Variants in FBXL17 observed in about 807,000 individuals in gnomAD.
FBXL17 encodes F-box and leucine rich repeat protein 17.
A neutral mutation model predicts 66.2 loss-of-function variants in FBXL17; 22 were observed. The ratio of observed to expected loss-of-function variants is 0.33; its 90% confidence interval spans 0.24 to 0.47. FBXL17 has a LOEUF of 0.47. Ranked by LOEUF, FBXL17 falls within the 20% of genes least tolerant of loss-of-function variation. The pLI is 1.00. For synonymous variants in FBXL17, 474 were observed against 400.5 expected (o/e 1.18, Z -2.19); for missense variants, 878 against 948.2 (o/e 0.93, Z 0.97).
chr5:108,355,352 G>C (rs1747914297), intron 3 of FBXL17, among the ~76,000 whole-genome samples: 1 of 151,728 alleles, frequency 6.6e-6, no homozygotes, highest in Non-Finnish European at 1.5e-5. Flanking sequence ...GCAGTGGCAT[G>C]ATCTTGGCTC....
At position 107,936,128 on chromosome 5, in the gene FBXL17, G is replaced by C. The variant is rs533229675; in HGVS notation, c.1823-54949C>G. 2.0e-4 allele frequency among the ~76,000 whole-genome samples: 30 copies of C among 147,300 alleles called. No individual in the cohort carries two copies. In the South Asian group the frequency reaches 3.1e-3, roughly 15 times the overall value. On this transcript the variant is annotated intron_variant, in intron 7 of 8. Transcript: ENST00000542267. ...TCCTTGTGTTATTACTAGGAGTATG[G>C]TATCCATTTTTCTAAAGTTGTATTG... is the stretch of plus-strand genomic sequence containing the variant.
chr5:108,156,469 G>A (rs1023869655), intron 6 of FBXL17, among the ~76,000 whole-genome samples: 1 of 151,780 alleles, frequency 6.6e-6, no homozygotes, highest in African/African-American at 2.4e-5. Context: ...ATATATCTTA[G>A]ACATATTAAA....
chr5:108,351,003 G>C (rs1176966946), intron 3 of FBXL17, among the ~76,000 whole-genome samples: 1 of 152,170 alleles, frequency 6.6e-6, no homozygotes, highest in Non-Finnish European at 1.5e-5. Flanking sequence ...GTCCAGACTA[G>C]ACTATCCCAG....
At chr5:107,954,183 A>G (rs1436546988) in intron 7 of FBXL17, among the ~76,000 whole-genome samples, 1 of 152,256 alleles carries the variant, frequency 6.6e-6, no homozygotes, top group African/African-American at 2.4e-5. Context: ...TTAAAAGAAC[A>G]TTTTATTTAA....
Position 108,366,116 on chromosome 5 carries a change from G to A in FBXL17, c.1117-1121C>T, listed in dbSNP as rs144178717. On this transcript the variant is annotated intron_variant, in intron 2 of 8. Coordinates refer to ENST00000542267, the MANE Select transcript of FBXL17 (RefSeq NM_001163315.3). ...CTGTTTCTATGAGAAACAATACCTCGCATATAATTCATAGGTTGGAAAATA... is the reference window on the plus strand; with the variant it reads ...CTGTTTCTATGAGAAACAATACCTCACATATAATTCATAGGTTGGAAAATA... Among the ~76,000 whole-genome samples, 6 of 152,016 alleles carry A rather than the reference G, an allele frequency of 3.9e-5. No individual in the cohort carries two copies. In the East Asian group the frequency reaches 7.7e-4, roughly 20 times the overall value.
intron 7 of FBXL17, among the ~76,000 whole-genome samples, chr5:107,961,071 G>A (rs562355740): frequency 6.6e-6 from 1 of 152,140 alleles, no homozygotes; most frequent in Non-Finnish European, 1.5e-5. Context: ...CAGGCTGGCT[G>A]GAAAGAAGTG....
intron 6 of FBXL17, among the ~76,000 whole-genome samples, chr5:108,176,718 T>C (rs1752806737): frequency 6.6e-6 from 1 of 152,132 alleles, no homozygotes; most frequent in African/African-American, 2.4e-5. Flanking sequence ...ACATAGTAAG[T>C]AGTATTTCCT....
intron 7 of FBXL17, among the ~76,000 whole-genome samples, chr5:107,983,232 A>G (rs1052315689): frequency 2.6e-5 from 4 of 152,092 alleles, no homozygotes; most frequent in African/African-American, 9.7e-5. Context: ...TTTGTTTGAG[A>G]TAAGAGTCTC....
chr5:108,185,179 T>TA (rs1753177640), intron 6 of FBXL17, among the ~76,000 whole-genome samples: 3 of 152,238 alleles, frequency 2.0e-5, no homozygotes, highest in African/African-American at 7.2e-5. Context: ...ACAAATTACA[T>TA]ATATATATAC....
At chr5:108,235,772 A>G (rs1261002590) in intron 4 of FBXL17, among the ~76,000 whole-genome samples, 1 of 152,180 alleles carries the variant, frequency 6.6e-6, no homozygotes, top group Non-Finnish European at 1.5e-5. Context: ...TCACTACTCT[A>G]GCCCTAGAGT....
intron 4 of FBXL17, among the ~76,000 whole-genome samples, chr5:108,241,359 A>C (rs546962278): frequency 2.6e-5 from 4 of 152,216 alleles, no homozygotes; most frequent in Non-Finnish European, 1.5e-5. Flanking sequence ...TGCAATTGGC[A>C]TACTGAAGAA....
chr5:108,147,840 G>C (rs1751618184), intron 6 of FBXL17, among the ~76,000 whole-genome samples: 1 of 151,622 alleles, frequency 6.6e-6, no homozygotes, highest in Admixed American at 6.6e-5. Flanking sequence ...ATGTTAATTA[G>C]ATTTATAACA....
intron 7 of FBXL17, among the ~76,000 whole-genome samples, chr5:108,012,656 C>T (rs146866327): frequency 1.3e-5 from 2 of 152,234 alleles, no homozygotes; most frequent in African/African-American, 4.8e-5. Flanking sequence ...TATAGTGTTA[C>T]GCACAAATTA....
rs528505425 is a variant in FBXL17, at chr5:108,380,397, T to C, written c.993+302A>G. On this transcript the variant is annotated intron_variant, in intron 1 of 8. Transcript: ENST00000542267. ...ATTCCTCGATTAAAAAATTTTTTTTTCCACAGAATACCTGCGAAGTTTCTA... is the reference window on the plus strand; with the variant it reads ...ATTCCTCGATTAAAAAATTTTTTTTCCCACAGAATACCTGCGAAGTTTCTA... 1.1e-4 allele frequency among the ~76,000 whole-genome samples: 16 copies of C among 152,324 alleles called. No individual in the cohort carries two copies. In the East Asian group the frequency reaches 1.3e-3, roughly 13 times the overall value.
At chr5:108,097,341 T>C (rs149106623) in intron 6 of FBXL17, among the ~76,000 whole-genome samples, 7 of 152,324 alleles carry the variant, frequency 4.6e-5, no homozygotes, top group Admixed American at 3.3e-4. Flanking sequence ...CTTTCTGGCA[T>C]TGTGAAAATG....
intron 1 of FBXL17, among the ~76,000 whole-genome samples, chr5:108,373,583 A>G (rs939218784): frequency 1.3e-5 from 2 of 152,112 alleles, no homozygotes; most frequent in African/African-American, 4.8e-5. Flanking sequence ...ATCACTAATT[A>G]CACTAAATGT....
In FBXL17 at chr5:107,986,176, G is replaced by T. The variant is rs370475973; in HGVS notation, c.1822+34749C>A. 5.3e-5 allele frequency among the ~76,000 whole-genome samples: 8 copies of T among 152,020 alleles called. No homozygotes were observed. The East Asian group carries it at 1.5e-3, about 29-fold the overall frequency. ...TAACCCATATCTGTAGCTGAGGTAG[G>T]TAGTTTAATATCTGATACAGGTATA... On this transcript the variant is annotated intron_variant, in intron 7 of 8. Coordinates refer to ENST00000542267, the MANE Select transcript of FBXL17 (RefSeq NM_001163315.3).
chr5:108,361,763 A>G (rs1748349843), intron 3 of FBXL17, among the ~76,000 whole-genome samples: 1 of 152,034 alleles, frequency 6.6e-6, no homozygotes, highest in Non-Finnish European at 1.5e-5. Context: ...TGGGTTCTAA[A>G]TTAGGTAAAA....
At chr5:108,180,419 T>C (rs2150025896) in intron 6 of FBXL17, among the ~76,000 whole-genome samples, 1 of 151,702 alleles carries the variant, frequency 6.6e-6, no homozygotes, top group East Asian at 1.9e-4. Flanking sequence ...GGCAGGAGAA[T>C]CACTTGAGCC....
Sources: gnomAD v4.1 joint callset for allele counts (sites outside exome capture counted in the v4.1 genomes callset) on GRCh38, gnomAD v4.1.1 for gene constraint, MANE v1.5 for transcripts, NCBI Gene and HGNC (gene_info 2026-07-23, HGNC 2026-07-21) for gene names.